ENPP6: variants seen among roughly 807,000 people sequenced by gnomAD.
The protein encoded by ENPP6 is glycerophosphocholine cholinephosphodiesterase ENPP6.
A neutral mutation model predicts 42.0 loss-of-function variants in ENPP6; 32 were observed. That is an observed-to-expected ratio of 0.76 (90% CI 0.58 to 1.02). The LOEUF is 1.02. Among genes scored for constraint, ENPP6 ranks in the 50% least tolerant of loss-of-function variants. The probability of loss-of-function intolerance (pLI) is 0.00; values close to 1 mark genes in which losing one functional copy is unlikely to be tolerated. For synonymous variants in ENPP6, 213 were observed against 216.0 expected (o/e 0.99, Z 0.12); for missense variants, 552 against 566.8 (o/e 0.97, Z 0.27).
chr4:184,091,277 G>GTTGTGCACATC lies in ENPP6; in HGVS notation c.1222_1223insGATGTGCACAA (p.Ser408Ter). 6.2e-7 allele frequency: 1 copy of GTTGTGCACATC among 1,613,858 alleles called. No individual in the cohort carries two copies. Among genetic ancestry groups the GTTGTGCACATC allele is most frequent in the South Asian group, 1.1e-5 (1 of 91,006 alleles). On this transcript the variant is annotated stop_gained and frameshift_variant, in exon 8 of 8. Transcript: ENST00000296741. LOFTEE classifies it low-confidence loss of function (END_TRUNC). ...GCCCTTCAGCATGCACATCACCCTG[G>GTTGTGCACATC]ACCAGGATCCGTTGTTGGGCAGCGG...
chr4:184,110,155 G>A (rs1352342627), intron 6 of ENPP6, among the ~76,000 whole-genome samples: 2 of 152,224 alleles, frequency 1.3e-5, no homozygotes, highest in East Asian at 1.9e-4. Context: ...GCTGCCGTTT[G>A]TTCTTGCTCT....
chr4:184,128,352 T>C (rs1458233101), intron 2 of ENPP6, among the ~76,000 whole-genome samples: 1 of 151,960 alleles, frequency 6.6e-6, no homozygotes, highest in Non-Finnish European at 1.5e-5. Flanking sequence ...GGCTAATTTT[T>C]GTATTTTTAG....
At chr4:184,140,415 A>G (rs1372315715) in intron 2 of ENPP6, among the ~76,000 whole-genome samples, 2 of 152,234 alleles carry the variant, frequency 1.3e-5, no homozygotes, top group Non-Finnish European at 2.9e-5. Flanking sequence ...GAACCAAAAA[A>G]GAGCCCACAT....
chr4:184,164,271 G>A (rs749826374), intron 1 of ENPP6, among the ~76,000 whole-genome samples: 11 of 152,170 alleles, frequency 7.2e-5, no homozygotes, highest in Non-Finnish European at 1.3e-4. Flanking sequence ...CACAAGTGAC[G>A]CTTGCTATAT....
chr4:184,113,928 T>TTTCTTTCTTTCTTTCTTTCTTTCTTTCC, intron 5 of ENPP6, among the ~76,000 whole-genome samples: 1 of 141,876 alleles, frequency 7.0e-6, no homozygotes, highest in African/African-American at 2.6e-5. Context: ...TCTTTCTTTC[T>TTTCTTTCTTTCTTTCTTTCTTTCTTTCC]TTCTTTCTTT....
intron 2 of ENPP6, among the ~76,000 whole-genome samples, chr4:184,151,273 G>T (rs565501330): frequency 1.3e-5 from 2 of 152,254 alleles, no homozygotes; most frequent in African/African-American, 4.8e-5. Context: ...GGGAGGCAGA[G>T]GTTACAGTGA....
chr4:184,099,831 C>T (rs1390235393), intron 6 of ENPP6, among the ~76,000 whole-genome samples: 1 of 152,228 alleles, frequency 6.6e-6, no homozygotes, highest in African/African-American at 2.4e-5. Context: ...CCAATTTAGT[C>T]TCGTCAGCTG....
At chr4:184,197,520 C>CA (rs1243666406) in intron 1 of ENPP6, among the ~76,000 whole-genome samples, 1 of 152,220 alleles carries the variant, frequency 6.6e-6, no homozygotes, top group Admixed American at 6.5e-5. Context: ...CAGATGCTGG[C>CA]CCCGGCTTGG....
At chr4:184,171,114 T>TGGAA (rs1737454028) in intron 1 of ENPP6, among the ~76,000 whole-genome samples, 2 of 152,134 alleles carry the variant, frequency 1.3e-5, no homozygotes, top group Non-Finnish European at 2.9e-5. Flanking sequence ...GGATGGAGCA[T>TGGAA]GGAAGGGAAA....
intron 5 of ENPP6, among the ~76,000 whole-genome samples, chr4:184,116,218 G>A (rs534982592): frequency 3.1e-4 from 47 of 151,700 alleles, no homozygotes; most frequent in Admixed American, 1.6e-3. Context: ...GCGAGACTCC[G>A]TCTCAAAAAA....
chr4:184,170,969 G>A (rs1185052914), intron 1 of ENPP6, among the ~76,000 whole-genome samples: 7 of 152,164 alleles, frequency 4.6e-5, no homozygotes, highest in East Asian at 1.9e-4. Context: ...TCTTTTAGGC[G>A]TGTCTATTTG....
At chr4:184,170,675 C>G (rs978594610) in intron 1 of ENPP6, among the ~76,000 whole-genome samples, 41 of 152,136 alleles carry the variant, frequency 2.7e-4, no homozygotes, top group African/African-American at 9.7e-4. Flanking sequence ...CTTGCAGACT[C>G]CTAGTTTGAT....
At chr4:184,111,417 G>A (rs1199173422) in intron 6 of ENPP6, among the ~76,000 whole-genome samples, 4 of 152,230 alleles carry the variant, frequency 2.6e-5, no homozygotes, top group Non-Finnish European at 4.4e-5. Context: ...GACCACATAT[G>A]TGCTCTGTGT....
At chr4:184,109,871 G>A (rs1368556831) in intron 6 of ENPP6, among the ~76,000 whole-genome samples, 1 of 151,902 alleles carries the variant, frequency 6.6e-6, no homozygotes, top group Non-Finnish European at 1.5e-5. Flanking sequence ...TGTGTGATTT[G>A]TCAATGCATA....
At chr4:184,166,327 C>T (rs1737346768) in intron 1 of ENPP6, among the ~76,000 whole-genome samples, 1 of 151,790 alleles carries the variant, frequency 6.6e-6, no homozygotes. Flanking sequence ...AAAATAACCC[C>T]AAAAGAGGAG....
At position 184,159,681 on chromosome 4, in the gene ENPP6, G is replaced by A. The variant is rs1737230345; in HGVS notation, c.242-5948C>T. ...AATATCTTATTTCAATAGATTTTGT[G>A]GTATAGGTGGTTTTTGGTTGTGTGG... is the stretch of plus-strand genomic sequence containing the variant. On this transcript the variant is annotated intron_variant, in intron 1 of 7. Transcript: ENST00000296741. 3.3e-5 allele frequency among the ~76,000 whole-genome samples: 5 copies of A among 152,212 alleles called. No individual in the cohort carries two copies. The South Asian group carries it at 1.0e-3, about 32-fold the overall frequency.
chr4:184,158,170 G>T (rs1254915251), intron 1 of ENPP6, among the ~76,000 whole-genome samples: 2 of 152,186 alleles, frequency 1.3e-5, no homozygotes, highest in East Asian at 1.9e-4. Context: ...ATGGCACAGT[G>T]GTTAAGGGAA....
At chr4:184,130,181 TGGGTC>T (rs1736571356) in intron 2 of ENPP6, among the ~76,000 whole-genome samples, 1 of 152,136 alleles carries the variant, frequency 6.6e-6, no homozygotes, top group Non-Finnish European at 1.5e-5. Context: ...GCAGGATCCC[TGGGTC>T]TGCAGCAGCT....
Position 184,203,722 on chromosome 4 carries a change from T to C in ENPP6, c.241+13857A>G, listed in dbSNP as rs62341588. On this transcript the variant is annotated intron_variant, in intron 1 of 7. Transcript: ENST00000296741. ...GAACACGGCCCTGCCCGCACCTGGA[T>C]TTCAGACTTTGGGAATCCAAATTTG... is the stretch of plus-strand genomic sequence containing the variant. 5.9e-3 allele frequency among the ~76,000 whole-genome samples: 897 copies of C among 152,306 alleles called. 4 individuals carry two copies. The highest frequency in any genetic ancestry group is 0.011 in the Non-Finnish European group (715 of 68,026).
Sources: gnomAD v4.1 joint callset for allele counts (sites outside exome capture counted in the v4.1 genomes callset) on GRCh38, gnomAD v4.1.1 for gene constraint, MANE v1.5 for transcripts, NCBI Gene and HGNC (gene_info 2026-07-23, HGNC 2026-07-21) for gene names.